The following MGST1 variants were observed in gnomAD, a reference collection of about 807,000 sequenced individuals.
MGST1 encodes microsomal glutathione S-transferase 1, also known as glutathione S-transferase 12.
MGST1 carries 5 observed loss-of-function variants against 8.9 expected under a neutral mutation model. That is an observed-to-expected ratio of 0.56 (90% CI 0.29 to 1.19). The LOEUF (loss-of-function observed/expected upper bound fraction) is 1.19, where lower values mean the gene tolerates loss of function less well. Among genes scored for constraint, MGST1 ranks in the 50% most tolerant of loss-of-function variants. MGST1 has a pLI of 0.08. For missense variants in MGST1, 182 were observed against 187.4 expected, an observed-to-expected ratio of 0.97 and a Z score of 0.17; for synonymous variants, 54 against 67.8, an observed-to-expected ratio of 0.80 and a Z score of 1.00.
At chr12:16,511,131 A>T (rs1158390791) in intron 4 of MGST1, among the ~76,000 whole-genome samples, 3 of 152,190 alleles carry the variant, frequency 2.0e-5, no homozygotes, top group East Asian at 1.9e-4. Context: ...CATTTTTAAA[A>T]TTTTTTTGAC....
At chr12:16,478,279 C>T (rs1241366950) in intron 4 of MGST1, among the ~76,000 whole-genome samples, 3 of 152,182 alleles carry the variant, frequency 2.0e-5, no homozygotes, top group East Asian at 1.9e-4. Context: ...CCGCCTGCCT[C>T]GGCTTCCCAA....
chr12:16,416,737 C>A (rs1167397922), intron 1 of MGST1, among the ~76,000 whole-genome samples: 1 of 152,048 alleles, frequency 6.6e-6, no homozygotes, highest in Non-Finnish European at 1.5e-5. Context: ...GGAAAATAAG[C>A]AAAATGGCTG....
intron 4 of MGST1, among the ~76,000 whole-genome samples, chr12:16,533,765 GTGAA>G (rs1941737792): frequency 6.6e-6 from 1 of 151,976 alleles, no homozygotes; most frequent in Admixed American, 6.6e-5. Flanking sequence ...TCACAGTAAC[GTGAA>G]TGTGGTGGTA....
At chr12:16,392,241 C>T (rs528267442) in intron 1 of MGST1, among the ~76,000 whole-genome samples, 7 of 152,148 alleles carry the variant, frequency 4.6e-5, no homozygotes, top group African/African-American at 9.6e-5. Context: ...TTCTTTTTTG[C>T]GTATTTGCAT....
At chr12:16,545,929 T>C (rs1467715546) in intron 4 of MGST1, among the ~76,000 whole-genome samples, 6 of 152,026 alleles carry the variant, frequency 3.9e-5, no homozygotes, top group African/African-American at 1.4e-4. Flanking sequence ...GACAACAATA[T>C]AAAAGATGAT....
intron 1 of MGST1, among the ~76,000 whole-genome samples, chr12:16,406,531 A>G (rs1278333322): frequency 3.3e-5 from 5 of 152,194 alleles, no homozygotes; most frequent in Non-Finnish European, 7.4e-5. Context: ...CAAACTATCA[A>G]TAATATTTTT....
chr12:16,380,190 A>C (rs1009871414), downstream of MGST1, among the ~76,000 whole-genome samples: 4 of 151,856 alleles, frequency 2.6e-5, no homozygotes, highest in Admixed American at 2.6e-4. Flanking sequence ...CTAGCTTTTG[A>C]ATGTGTTTGC....
At chr12:16,380,118 G>C (rs1940435113), downstream of MGST1, among the ~76,000 whole-genome samples, 1 of 152,066 alleles carries the variant, frequency 6.6e-6, no homozygotes, top group African/African-American at 2.4e-5. Context: ...AATTTTTGAA[G>C]GGTTTTTTGT....
intron 4 of MGST1, among the ~76,000 whole-genome samples, chr12:16,573,080 AC>A (rs1942873317): frequency 6.6e-6 from 1 of 152,018 alleles, no homozygotes; most frequent in Non-Finnish European, 1.5e-5. Flanking sequence ...AAGAAAAAAT[AC>A]CTTTTTTTTT....
intron 1 of MGST1, among the ~76,000 whole-genome samples, chr12:16,416,421 G>A (rs10744122): frequency 0.19 from 28,866 of 152,036 alleles, 3,213 homozygotes; most frequent in East Asian, 0.44. Flanking sequence ...TTTATATCTA[G>A]ATACCATAAC....
chr12:16,579,879 C>A (rs1463784958), intron 4 of MGST1, among the ~76,000 whole-genome samples: 4 of 152,066 alleles, frequency 2.6e-5, no homozygotes, highest in Non-Finnish European at 4.4e-5. Flanking sequence ...AATGATTATC[C>A]ATTGTTATTT....
At chr12:16,507,564 G>A (rs1476915526) in intron 4 of MGST1, among the ~76,000 whole-genome samples, 1 of 152,114 alleles carries the variant, frequency 6.6e-6, no homozygotes, top group African/African-American at 2.4e-5. Context: ...CTGAGACTGG[G>A]TAATTTATGA....
chr12:16,387,549 T>C (rs555367880), intron 1 of MGST1, among the ~76,000 whole-genome samples: 11 of 149,390 alleles, frequency 7.4e-5, no homozygotes, highest in Non-Finnish European at 1.5e-4. Context: ...TTTTTTGAGA[T>C]GGAGTCTCGC....
In MGST1 at chr12:16,560,739, T is replaced by C. The variant is rs761602150; in HGVS notation, n.483-28789T>C. On this transcript the variant is annotated intron_variant and non_coding_transcript_variant, in intron 4 of 4. Transcript: ENST00000538857. This position sits in a 1 kb window ranked among gnomAD's most constrained non-coding sequence, Gnocchi z 5.0. Reference sequence around the variant, plus strand: ...TTGACCTTCCTTGATGAAAATCACATCTTGTTTGAGAAGAAAAGGAAAAGA... The same window carrying C: ...TTGACCTTCCTTGATGAAAATCACACCTTGTTTGAGAAGAAAAGGAAAAGA... 1.7e-6 allele frequency: 1 copy of C among 603,902 alleles called. No homozygotes were observed. The highest frequency in any genetic ancestry group is 2.5e-5 in the Admixed American group (1 of 39,832). 37.4% of individuals were successfully genotyped at this position (603,902 alleles called of 1,614,324 possible).
chr12:16,461,175 C>T (rs1393032314), intron 4 of MGST1, among the ~76,000 whole-genome samples: 2 of 18,172 alleles, frequency 1.1e-4, no homozygotes, highest in South Asian at 3.6e-3. Flanking sequence ...AAAGAATGCC[C>T]AAAGGAAAAA....
chr12:16,397,697 A>G (rs1341427360), intron 1 of MGST1, among the ~76,000 whole-genome samples: 5 of 151,576 alleles, frequency 3.3e-5, no homozygotes, highest in African/African-American at 1.2e-4. Flanking sequence ...CAACATCACT[A>G]ATGATCAGTA....
At chr12:16,429,450 C>T (rs1357797599) in intron 1 of MGST1, among the ~76,000 whole-genome samples, 1 of 151,834 alleles carries the variant, frequency 6.6e-6, no homozygotes, top group East Asian at 1.9e-4. Context: ...TTTCTGTTGA[C>T]TTCTGAGTTA....
intron 1 of MGST1, chr12:16,349,093 A>G (rs1431706290): frequency 6.6e-6 from 1 of 152,182 alleles, no homozygotes; most frequent in Non-Finnish European, 1.5e-5. Flanking sequence ...ATTCATCTAG[A>G]GTTCCAGATT....
intron 1 of MGST1, among the ~76,000 whole-genome samples, chr12:16,423,972 T>C (rs11056935): frequency 0.1 from 15,380 of 152,196 alleles, 2,458 homozygotes; most frequent in African/African-American, 0.34. Flanking sequence ...ATATATCTAA[T>C]GTATTTCCTT....
Sources: gnomAD v4.1 joint callset for allele counts (sites outside exome capture counted in the v4.1 genomes callset) on GRCh38, gnomAD v4.1.1 for gene constraint, Gnocchi (gnomAD v3.1) non-coding constraint, MANE v1.5 for transcripts, NCBI Gene and HGNC (gene_info 2026-07-23, HGNC 2026-07-21) for gene names.